Variants in PKNOX2 observed in about 807,000 individuals in gnomAD.
PKNOX2 encodes the protein PBX/knotted 1 homeobox 2, also known as homeobox protein PKNOX2.
In PKNOX2, 14 loss-of-function variants were observed where a neutral mutation model predicts 53.1. The observed-to-expected ratio is 0.26, with a 90% CI of 0.17 to 0.41. The LOEUF (loss-of-function observed/expected upper bound fraction) is 0.41, where lower values mean the gene tolerates loss of function less well. Among genes scored for constraint, PKNOX2 ranks in the 10% least tolerant of loss-of-function variants. The pLI is 1.00. For missense variants in PKNOX2, 496 were observed against 602.8 expected, an observed-to-expected ratio of 0.82 and a Z score of 1.85; for synonymous variants, 257 against 242.8, an observed-to-expected ratio of 1.06 and a Z score of -0.54.
chr11:125,343,222 G>T (rs951391867), intron 3 of PKNOX2, among the ~76,000 whole-genome samples: 1 of 152,092 alleles, frequency 6.6e-6, no homozygotes, highest in African/African-American at 2.4e-5. Flanking sequence ...TGAGTTTTGG[G>T]GACACAATAG....
intron 1 of PKNOX2, among the ~76,000 whole-genome samples, chr11:125,227,441 C>A (rs1428453436): frequency 6.6e-6 from 1 of 152,234 alleles, no homozygotes; most frequent in African/African-American, 2.4e-5. Flanking sequence ...GAGTTTGACA[C>A]TCTCAGTACC....
At chr11:125,391,252 T>C (rs958418832) in intron 6 of PKNOX2, among the ~76,000 whole-genome samples, 1 of 152,242 alleles carries the variant, frequency 6.6e-6, no homozygotes, top group Non-Finnish European at 1.5e-5. Flanking sequence ...ATATTGCCTG[T>C]GTCCCTGTGG....
rs138815051 is a variant in PKNOX2, at chr11:125,232,632, A to T, written c.-200-2413A>T. On this transcript the variant is annotated intron_variant, in intron 1 of 12. Coordinates refer to ENST00000298282, the MANE Select transcript of PKNOX2 (RefSeq NM_001382323.2). ...TCTCTTTTCTATTCATCATTGTCGA[A>T]GTTCCTAAAATATGATGCTAAAACT... Among the ~76,000 whole-genome samples the T allele has an allele frequency of 6.9e-3, 1,047 of 152,314 alleles. 2 individuals carry two copies. Among genetic ancestry groups the T allele is most frequent in the Admixed American group, 0.011 (170 of 15,306 alleles).
chr11:125,412,693 C>G (rs1955634920), intron 10 of PKNOX2, among the ~76,000 whole-genome samples: 1 of 152,092 alleles, frequency 6.6e-6, no homozygotes, highest in Non-Finnish European at 1.5e-5. Context: ...GGGCGGGCTT[C>G]CATTAGTCTG....
chr11:125,270,098 C>T (rs1281107988), intron 2 of PKNOX2, among the ~76,000 whole-genome samples: 1 of 152,196 alleles, frequency 6.6e-6, no homozygotes, highest in Non-Finnish European at 1.5e-5. Context: ...AGGAATCCAT[C>T]TATCAGAGCC....
intron 2 of PKNOX2, among the ~76,000 whole-genome samples, chr11:125,303,456 G>A (rs553401941): frequency 2.0e-4 from 31 of 152,130 alleles, no homozygotes; most frequent in African/African-American, 5.5e-4. Context: ...CCCCAGGCTC[G>A]GGAAAGGATG....
chr11:125,244,489 G>A (rs1380303076), intron 2 of PKNOX2, among the ~76,000 whole-genome samples: 1 of 152,212 alleles, frequency 6.6e-6, no homozygotes, highest in African/African-American at 2.4e-5. Flanking sequence ...CCAGGGACCT[G>A]GCTCCCTCGC....
chr11:125,249,164 C>G (rs1360082361), intron 2 of PKNOX2, among the ~76,000 whole-genome samples: 1 of 151,178 alleles, frequency 6.6e-6, no homozygotes, highest in Non-Finnish European at 1.5e-5. Flanking sequence ...GGATCCTATT[C>G]CCCTGGGAAT....
At chr11:125,416,329 A>G (rs959775756) in intron 10 of PKNOX2, among the ~76,000 whole-genome samples, 3 of 132,704 alleles carry the variant, frequency 2.3e-5, no homozygotes, top group Admixed American at 1.4e-4. Context: ...AAAAAAAAAG[A>G]AAGTGGAATT....
chr11:125,418,148 A>G (rs1591565918), intron 10 of PKNOX2, among the ~76,000 whole-genome samples: 1 of 151,560 alleles, frequency 6.6e-6, no homozygotes, highest in South Asian at 2.1e-4. Context: ...ATTAGCCATC[A>G]CTCCCCAGCC....
chr11:125,256,932 T>G (rs1433514355), intron 2 of PKNOX2, among the ~76,000 whole-genome samples: 1 of 152,168 alleles, frequency 6.6e-6, no homozygotes, highest in Non-Finnish European at 1.5e-5. Context: ...TGCGAGATAA[T>G]TAAGTTGCAT....
intron 2 of PKNOX2, among the ~76,000 whole-genome samples, chr11:125,317,230 T>G (rs1221128107): frequency 6.6e-6 from 1 of 152,210 alleles, no homozygotes; most frequent in African/African-American, 2.4e-5. Context: ...CACTGAAATC[T>G]TGAACCCCTC....
At chr11:125,334,600 TTTC>T (rs915741280) in intron 3 of PKNOX2, among the ~76,000 whole-genome samples, 6 of 141,938 alleles carry the variant, frequency 4.2e-5, no homozygotes, top group African/African-American at 1.5e-4. Context: ...TTTTTTTTTT[TTTC>T]TTTTCATTTT....
chr11:125,236,817 A>G (rs562573823), intron 2 of PKNOX2, among the ~76,000 whole-genome samples: 1 of 152,188 alleles, frequency 6.6e-6, no homozygotes, highest in Non-Finnish European at 1.5e-5. Context: ...GGCCCAGTTG[A>G]GGAGGGAAGG....
At chr11:125,392,818 GGAAAGAGAA>G (rs1348789383) in intron 6 of PKNOX2, among the ~76,000 whole-genome samples, 1 of 152,070 alleles carries the variant, frequency 6.6e-6, no homozygotes, top group Non-Finnish European at 1.5e-5. Flanking sequence ...AACGGGGAAG[GGAAAGAGAA>G]GAAAGGTTTA....
intron 1 of PKNOX2, among the ~76,000 whole-genome samples, chr11:125,183,679 A>G (rs934645976): frequency 6.6e-6 from 1 of 151,862 alleles, no homozygotes; most frequent in African/African-American, 2.4e-5. Flanking sequence ...TTAAATGGTC[A>G]CACTAAACTA....
At chr11:125,200,484 T>C (rs1053445859) in intron 1 of PKNOX2, among the ~76,000 whole-genome samples, 5 of 152,206 alleles carry the variant, frequency 3.3e-5, no homozygotes, top group African/African-American at 7.2e-5. Flanking sequence ...CCACCTGTCA[T>C]GTAAGGTGTG....
chr11:125,377,849 A>G (rs889336108), intron 5 of PKNOX2, among the ~76,000 whole-genome samples: 4 of 152,246 alleles, frequency 2.6e-5, no homozygotes, highest in African/African-American at 9.6e-5. Flanking sequence ...GTCACATTTA[A>G]AGCCGTTCTA....
chr11:125,425,646 G>A (rs920517961), intron 10 of PKNOX2, among the ~76,000 whole-genome samples: 1 of 151,882 alleles, frequency 6.6e-6, no homozygotes, highest in Non-Finnish European at 1.5e-5. Flanking sequence ...GATGGTTTGC[G>A]TGATCTCATT....
Sources: gnomAD v4.1 joint callset for allele counts (sites outside exome capture counted in the v4.1 genomes callset) on GRCh38, gnomAD v4.1.1 for gene constraint, MANE v1.5 for transcripts, NCBI Gene and HGNC (gene_info 2026-07-23, HGNC 2026-07-21) for gene names.